FAT3: variants seen among roughly 807,000 people sequenced by gnomAD.
FAT3 encodes FAT atypical cadherin 3, also known as protocadherin Fat 3.
FAT3 carries 95 observed loss-of-function variants against 310.2 expected under a neutral mutation model. The observed-to-expected ratio is 0.31, with a 90% CI of 0.26 to 0.36. FAT3 has a LOEUF of 0.36. Among genes scored for constraint, FAT3 ranks in the 10% least tolerant of loss-of-function variants. The pLI, the probability that FAT3 is intolerant of heterozygous loss-of-function variation, is 1.00. For missense variants in FAT3, 5,408 were observed against 5,715.6 expected (o/e 0.95, Z 1.74); for synonymous variants, 2,314 against 2,192.9 (o/e 1.06, Z -1.54).
At chr11:92,836,405 AATC>A (rs1338749913) in intron 15 of FAT3, among the ~76,000 whole-genome samples, 158 bp from the exon 16 acceptor site, 1 of 152,198 alleles carries the variant, frequency 6.6e-6, no homozygotes, top group Non-Finnish European at 1.5e-5. Context: ...TCAGCTGATT[AATC>A]ATCTCTTCTG....
intron 10 of FAT3, among the ~76,000 whole-genome samples, chr11:92,802,527 T>C (rs1947390037): frequency 6.6e-6 from 1 of 152,106 alleles, no homozygotes; most frequent in Middle Eastern, 3.2e-3. Flanking sequence ...ACAAAGTCAG[T>C]CATTAGGAAG....
At chr11:92,433,294 C>G (rs1366124759) in intron 2 of FAT3, among the ~76,000 whole-genome samples, 1 of 152,168 alleles carries the variant, frequency 6.6e-6, no homozygotes, top group Non-Finnish European at 1.5e-5. Context: ...AAAAAAACTC[C>G]TGCTGCTAAC....
intron 4 of FAT3, among the ~76,000 whole-genome samples, chr11:92,724,057 A>G (rs1170316752): frequency 2.0e-5 from 3 of 152,182 alleles, no homozygotes; most frequent in Non-Finnish European, 4.4e-5. Context: ...AAACAACACC[A>G]TTTTATTTAG....
chr11:92,607,123 T>G (rs567575155), intron 3 of FAT3, among the ~76,000 whole-genome samples: 2 of 152,214 alleles, frequency 1.3e-5, no homozygotes, highest in Admixed American at 6.5e-5. Context: ...GATTGAAAGA[T>G]TCCAGTTGGA....
chr11:92,583,714 A>T (rs1938966278), intron 3 of FAT3, among the ~76,000 whole-genome samples: 1 of 151,944 alleles, frequency 6.6e-6, no homozygotes, highest in African/African-American at 2.4e-5. Context: ...CCCCATTGTC[A>T]CTATAGTTGA....
At chr11:92,541,097 A>G (rs552708205) in intron 3 of FAT3, among the ~76,000 whole-genome samples, 20 of 152,214 alleles carry the variant, frequency 1.3e-4, no homozygotes, top group African/African-American at 4.6e-4. Flanking sequence ...TTACTTACTC[A>G]CTCATTCATT....
intron 19 of FAT3, among the ~76,000 whole-genome samples, chr11:92,846,837 C>T (rs1948695339): frequency 6.6e-6 from 1 of 152,190 alleles, no homozygotes; most frequent in African/African-American, 2.4e-5. Flanking sequence ...AGCTCTCAGC[C>T]TTTTCTCACC....
intron 4 of FAT3, among the ~76,000 whole-genome samples, chr11:92,751,780 T>C (rs1945834945): frequency 1.3e-5 from 2 of 152,160 alleles, no homozygotes; most frequent in South Asian, 4.1e-4. Context: ...CAGATGCTTC[T>C]ACATGGGCTG....
chr11:92,272,007 G>T (rs2134338492), intron 1 of FAT3, among the ~76,000 whole-genome samples: 1 of 152,132 alleles, frequency 6.6e-6, no homozygotes, highest in South Asian at 2.1e-4. Flanking sequence ...TCATTATATG[G>T]CCCTATAAGA....
rs796613900 is a variant in FAT3, at chr11:92,367,645, CA to C, written c.3292+12250del. Among the ~76,000 whole-genome samples, 101 of 150,440 alleles carry C rather than the reference CA, an allele frequency of 6.7e-4. 1 individual carries two copies. Among genetic ancestry groups the C allele is most frequent in the African/African-American group, 2.4e-3 (100 of 41,028 alleles). ...GACCTTGCCTCCAAAAAAACAACAACAAAAAAAAACTGATAGTAGAGACAGA... is the reference window on the plus strand; with the variant it reads ...GACCTTGCCTCCAAAAAAACAACAACAAAAAAAACTGATAGTAGAGACAGA... On this transcript the variant is annotated intron_variant, in intron 2 of 27. Coordinates refer to ENST00000525166, the MANE Select transcript of FAT3 (RefSeq NM_001367949.2).
intron 21 of FAT3, among the ~76,000 whole-genome samples, chr11:92,860,878 GT>G (rs1384064585): frequency 6.6e-6 from 1 of 152,202 alleles, no homozygotes; most frequent in African/African-American, 2.4e-5. Context: ...AAGTTTAAAA[GT>G]TGGTTACTTT....
At chr11:92,363,089 A>C (rs1215164070) in intron 2 of FAT3, among the ~76,000 whole-genome samples, 1 of 152,220 alleles carries the variant, frequency 6.6e-6, no homozygotes, top group Non-Finnish European at 1.5e-5. Context: ...CAAGCTCTCA[A>C]ACATTGTGAT....
chr11:92,765,322 C>T (rs1388775311), intron 6 of FAT3, among the ~76,000 whole-genome samples: 2 of 152,216 alleles, frequency 1.3e-5, no homozygotes, highest in South Asian at 2.1e-4. Flanking sequence ...TTCCATAGTA[C>T]GTTATTTACT....
chr11:92,521,257 T>C (rs1352825368), intron 2 of FAT3, among the ~76,000 whole-genome samples: 1 of 151,692 alleles, frequency 6.6e-6, no homozygotes, highest in Non-Finnish European at 1.5e-5. Flanking sequence ...TATTGAATTA[T>C]GTTCTCTTTT....
Position 92,354,103 on chromosome 11 carries a change from C to A in FAT3, c.1991C>A (p.Pro664His). Residue 664 changes from proline to histidine, a missense_variant, in exon 2 of 28, where the codon CCC (proline) becomes CAC (histidine). Physicochemically the swap from Pro to His is moderately conservative, Grantham distance 77. This residue lies in a region of FAT3 where 4,588 missense variants were observed against 4,809.8 expected (regional missense o/e 0.95). Transcript: ENST00000525166. ...TATDGENLAD[P>H]MSINISVLHG... ...ACTGATGGAGAGAATCTTGCAGACC[C>A]CATGTCTATTAACATTTCAGTCCTA... 6.2e-7 allele frequency: 1 copy of A among 1,613,740 alleles called. No individual in the cohort carries two copies. Among genetic ancestry groups the A allele is most frequent in the Non-Finnish European group, 8.5e-7 (1 of 1,179,820 alleles).
intron 4 of FAT3, among the ~76,000 whole-genome samples, chr11:92,719,469 T>G (rs1944792419): frequency 6.8e-6 from 1 of 146,810 alleles, no homozygotes; most frequent in Non-Finnish European, 1.5e-5. Flanking sequence ...TAAAATGATG[T>G]AGTATTTGCA....
intron 4 of FAT3, among the ~76,000 whole-genome samples, chr11:92,746,196 T>C (rs1945662291): frequency 6.6e-6 from 1 of 152,248 alleles, no homozygotes; most frequent in South Asian, 2.1e-4. Context: ...AATAAAGGCG[T>C]AACTGAAGCT....
chr11:92,283,101 G>C (rs1842178558), intron 1 of FAT3, among the ~76,000 whole-genome samples: 1 of 152,104 alleles, frequency 6.6e-6, no homozygotes, highest in Non-Finnish European at 1.5e-5. Flanking sequence ...CCAGCACTTA[G>C]TAGGTGTTCT....
chr11:92,227,639 G>T (rs143412264), intron 1 of FAT3, among the ~76,000 whole-genome samples: 175 of 152,282 alleles, frequency 1.1e-3, no homozygotes, highest in African/African-American at 3.9e-3. Flanking sequence ...AGAAGGAAAG[G>T]AAGGGAGGAG....
Sources: allele counts gnomAD v4.1 joint callset (sites outside exome capture counted in the v4.1 genomes callset), GRCh38; gene constraint gnomAD v4.1.1; regional missense constraint gnomAD v4.1.1; transcripts MANE v1.5; gene names NCBI Gene and HGNC (gene_info 2026-07-23, HGNC 2026-07-21).